Variants in NACC1 observed in about 807,000 individuals in gnomAD.
NACC1 encodes the protein nucleus accumbens-associated protein 1.
Under a neutral mutation model 41.7 loss-of-function variants are expected in NACC1, and 6 were observed. The ratio of observed to expected loss-of-function variants is 0.14; its 90% confidence interval spans 0.08 to 0.28. NACC1 has a LOEUF of 0.28. Ranked by LOEUF, NACC1 falls within the 10% of genes least tolerant of loss-of-function variation. The pLI is 1.00. For synonymous variants in NACC1, 338 were observed against 330.6 expected, an observed-to-expected ratio of 1.02 and a Z score of -0.24; for missense variants, 434 against 763.7, an observed-to-expected ratio of 0.57 and a Z score of 5.09.
At chr19:13,119,086 C>G (rs1329366588) in intron 1 of NACC1, among the ~76,000 whole-genome samples, 10 of 115,302 alleles carry the variant, frequency 8.7e-5, no homozygotes, top group African/African-American at 3.4e-4. Flanking sequence ...GAGGGGGAGG[C>G]TAGATGTGGG....
chr19:13,119,371 G>T (rs1192852526), intron 1 of NACC1, among the ~76,000 whole-genome samples: 3 of 152,152 alleles, frequency 2.0e-5, no homozygotes, highest in Non-Finnish European at 4.4e-5. Context: ...GGGTGTTTGT[G>T]TGGGCAGCTG....
At chr19:13,123,893 C>T (rs1487417300) in intron 1 of NACC1, among the ~76,000 whole-genome samples, 2 of 152,178 alleles carry the variant, frequency 1.3e-5, no homozygotes, top group Non-Finnish European at 2.9e-5. Context: ...CTCTGGGCCT[C>T]ATTCCCATCC....
At chr19:13,126,916 A>G (rs545241631) in intron 1 of NACC1, among the ~76,000 whole-genome samples, 3 of 151,996 alleles carry the variant, frequency 2.0e-5, no homozygotes, top group Non-Finnish European at 4.4e-5. Context: ...TCCCTGCCCC[A>G]GGGAAACTGA....
intron 1 of NACC1, chr19:13,131,515 T>G (rs1023324248): frequency 1.1e-4 from 17 of 152,264 alleles, no homozygotes; most frequent in African/African-American, 3.9e-4. Context: ...CCCAACATGG[T>G]GCCTGTTTCT....
At chr19:13,122,522 C>T (rs2019509512) in intron 1 of NACC1, among the ~76,000 whole-genome samples, 1 of 59,370 alleles carries the variant, frequency 1.7e-5, no homozygotes, top group Non-Finnish European at 3.9e-5. Flanking sequence ...GTTGCCCCTG[C>T]CGGGGGGGGG....
intron 1 of NACC1, among the ~76,000 whole-genome samples, chr19:13,121,555 G>A (rs2019493296): frequency 6.6e-6 from 1 of 152,174 alleles, no homozygotes; most frequent in Non-Finnish European, 1.5e-5. Context: ...AGCCTTACAG[G>A]GTCTATTGAA....
chr19:13,123,709 C>T (rs747670882), intron 1 of NACC1, among the ~76,000 whole-genome samples: 24 of 152,162 alleles, frequency 1.6e-4, no homozygotes, highest in Non-Finnish European at 5.9e-5. Context: ...TCGGCCGGTC[C>T]GGGGTTCCCG....
chr19:13,122,535 G>C (rs904959545), intron 1 of NACC1, among the ~76,000 whole-genome samples: 2 of 145,210 alleles, frequency 1.4e-5, no homozygotes, highest in South Asian at 2.2e-4. Flanking sequence ...GGGGGGGGGG[G>C]GTGTGCTGCT....
At chr19:13,121,585 G>A (rs60051691) in intron 1 of NACC1, among the ~76,000 whole-genome samples, 1 of 152,166 alleles carries the variant, frequency 6.6e-6, no homozygotes, top group Non-Finnish European at 1.5e-5. Context: ...CTGGAGGCCC[G>A]GGGGTTTGGA....
intron 1 of NACC1, among the ~76,000 whole-genome samples, chr19:13,128,488 G>C (rs975843013): frequency 6.6e-5 from 10 of 152,202 alleles, no homozygotes; most frequent in Admixed American, 5.9e-4. Flanking sequence ...TTGGGGCTCA[G>C]AGTTTCAATC....
At chr19:13,129,550 G>T (rs963478782) in intron 1 of NACC1, among the ~76,000 whole-genome samples, 1 of 152,292 alleles carries the variant, frequency 6.6e-6, no homozygotes, top group Non-Finnish European at 1.5e-5. Flanking sequence ...GGCCACTGGG[G>T]AACTAGACGA....
Position 13,135,645 on chromosome 19 carries a change from C to T in NACC1, c.438C>T (p.Pro146=), listed in dbSNP as rs764392858. ...CCCCATCGTCGGAGCCCCAGAGCCC[C>T]GTGGCGCAGACATCGGGCTGGCCAG... ...EEAPSSEPQS[P]VAQTSGWPAC... The change falls in exon 2 of 6, where the codon CCC becomes CCT. Residue 146 remains proline (P), a synonymous_variant. Transcript: ENST00000292431. The T allele has an allele frequency of 2.4e-5, 38 of 1,565,434 alleles. No individual in the cohort carries two copies. The highest frequency in any genetic ancestry group is 1.1e-4 in the African/African-American group (8 of 74,034).
chr19:13,128,822 G>A (rs1034200274), intron 1 of NACC1, among the ~76,000 whole-genome samples: 2 of 152,210 alleles, frequency 1.3e-5, no homozygotes, highest in Admixed American at 6.5e-5. Flanking sequence ...CATGGAAACC[G>A]TGTGCTGTGC....
In NACC1 at chr19:13,135,741, C is replaced by T. The variant is rs1221597290; in HGVS notation, c.534C>T (p.Cys178=). Residue 178 remains cysteine (C), a synonymous_variant, in exon 2 of 6, where the codon TGC becomes TGT. Transcript: ENST00000292431. ...TEQQESDSVQ[C]MPVAKRLWDS... is the part of the protein sequence containing the mutation. ...AGCAGGAGTCGGACTCCGTGCAGTG[C>T]ATGCCCGTGGCCAAGCGGCTGTGGG... is the stretch of plus-strand genomic sequence containing the variant. The T allele has an allele frequency of 3.2e-6, 5 of 1,559,150 alleles. No homozygotes were observed. Among genetic ancestry groups the T allele is most frequent in the Non-Finnish European group, 4.3e-6 (5 of 1,153,752 alleles).
chr19:13,136,722 CA>C lies in NACC1; in HGVS notation c.1120+318del, dbSNP rs2019712070. Among the ~76,000 whole-genome samples, 2 of 152,304 alleles carry C rather than the reference CA, an allele frequency of 1.3e-5. No homozygotes were observed. The highest frequency in any genetic ancestry group is 2.4e-5 in the African/African-American group (1 of 41,562). ...CCTAGGTTAGGAATTTGGACAGTCACAGGGGCGAATGCCTGTAGTCCTAGCT... is the reference window on the plus strand; with the variant it reads ...CCTAGGTTAGGAATTTGGACAGTCACGGGGCGAATGCCTGTAGTCCTAGCT... On this transcript the variant is annotated intron_variant, in intron 3 of 5. Transcript: ENST00000292431. The surrounding 1 kb of genome is among the most constrained non-coding windows in gnomAD (Gnocchi z 5.5).
At chr19:13,119,297 C>T (rs2019458468) in intron 1 of NACC1, among the ~76,000 whole-genome samples, 1 of 152,100 alleles carries the variant, frequency 6.6e-6, no homozygotes, top group South Asian at 2.1e-4. Context: ...TCCCTGAAGC[C>T]TCTAGAGTCC....
chr19:13,133,859 C>T (rs2019665472), intron 1 of NACC1, among the ~76,000 whole-genome samples: 1 of 152,092 alleles, frequency 6.6e-6, no homozygotes, highest in East Asian at 1.9e-4. Flanking sequence ...GACTGTTCTC[C>T]ATGGTGGCTG....
Position 13,135,395 on chromosome 19 carries a change from G to A in NACC1, c.188G>A (p.Arg63His), listed in dbSNP as rs766522767. Residue 63 changes from arginine (R) to histidine (H), a missense_variant, in exon 2 of 6, where the codon CGC becomes CAC. Transcript: ENST00000292431. ...TTCCGGGACCTGTTCAACAACAGCC[G>A]CAGCGCCGTGGTGGAGCTGCCGGCG... ...SYFRDLFNNS[R>H]SAVVELPAAV... The A allele has an allele frequency of 5.6e-6, 9 of 1,613,480 alleles. No homozygotes were observed. Among genetic ancestry groups the A allele is most frequent in the Non-Finnish European group, 6.8e-6 (8 of 1,179,930 alleles).
intron 1 of NACC1, among the ~76,000 whole-genome samples, chr19:13,132,145 G>T (rs540962174): frequency 1.4e-5 from 2 of 140,720 alleles, no homozygotes; most frequent in African/African-American, 5.4e-5. Flanking sequence ...GGCCAGGTGT[G>T]GTGGCTCATG....
Sources: allele counts gnomAD v4.1 joint callset (sites outside exome capture counted in the v4.1 genomes callset), GRCh38; gene constraint gnomAD v4.1.1; non-coding constraint Gnocchi (gnomAD v3.1); transcripts MANE v1.5; gene names NCBI Gene and HGNC (gene_info 2026-07-23, HGNC 2026-07-21).